Variants in KAZN observed in about 807,000 individuals in gnomAD.
KAZN encodes the protein kazrin.
In KAZN, 40 loss-of-function variants were observed where a neutral mutation model predicts 87.4. That is an observed-to-expected ratio of 0.46 (90% confidence interval 0.36 to 0.60). The LOEUF (loss-of-function observed/expected upper bound fraction) is 0.60. Ranked by LOEUF, KAZN falls within the 20% of genes least tolerant of loss-of-function variation. The pLI is 0.00. For synonymous variants in KAZN, 466 were observed against 458.3 expected (o/e 1.02, Z -0.22); for missense variants, 898 against 1,073.9 (o/e 0.84, Z 2.29).
At chr1:14,930,980 T>C (rs1439006069) in intron 1 of KAZN, among the ~76,000 whole-genome samples, 1 of 151,856 alleles carries the variant, frequency 6.6e-6, no homozygotes, top group Non-Finnish European at 1.5e-5. Flanking sequence ...GCCACAACCA[T>C]TTGGAAATCT....
In KAZN at chr1:14,158,751, T is replaced by G. The variant is rs2101819714; in HGVS notation, c.92-21684T>G. 2.0e-5 allele frequency among the ~76,000 whole-genome samples: 3 copies of G among 152,306 alleles called. 1 individual carries two copies. The South Asian group carries it at 6.2e-4, about 32-fold the overall frequency. ...TGGGCTTGTTTTTACCCGTCCTTCT[T>G]GGGAAGGCTTTCCAGATACTCCAAA... On this transcript the variant is annotated intron_variant, in intron 1 of 16. Coordinates refer to the KAZN transcript ENST00000636203.
At chr1:14,792,417 C>A (rs999919130) in intron 1 of KAZN, among the ~76,000 whole-genome samples, 2 of 152,140 alleles carry the variant, frequency 1.3e-5, no homozygotes, top group African/African-American at 4.8e-5. Context: ...GAAGTACTTA[C>A]CAAACGTGGT....
chr1:14,743,417 G>A (rs1238670691), intron 1 of KAZN, among the ~76,000 whole-genome samples: 3 of 144,204 alleles, frequency 2.1e-5, no homozygotes, highest in South Asian at 2.2e-4. Flanking sequence ...GGGACTGAGC[G>A]AGACTCTGTC....
chr1:14,075,953 G>T lies in KAZN; in HGVS notation c.92-104482G>T, dbSNP rs373944955. On this transcript the variant is annotated intron_variant, in intron 1 of 16. Coordinates refer to the KAZN transcript ENST00000636203. Reference sequence around the variant, plus strand: ...AAGAGGGCTCTTGCAGATGTAAACAGTTAAGATGAGGTCATTAGGGTGGGA... The same window carrying T: ...AAGAGGGCTCTTGCAGATGTAAACATTTAAGATGAGGTCATTAGGGTGGGA... Among the ~76,000 whole-genome samples, 7 of 152,240 alleles carry T rather than the reference G, an allele frequency of 4.6e-5. No homozygotes were observed. The East Asian group carries it at 5.8e-4, about 13-fold the overall frequency.
intron 1 of KAZN, among the ~76,000 whole-genome samples, chr1:14,766,961 T>C (rs2100574012): frequency 6.6e-6 from 1 of 152,142 alleles, no homozygotes; most frequent in African/African-American, 2.4e-5. Flanking sequence ...AAATAAGGGC[T>C]GGAGGGACCA....
At chr1:14,501,955 A>C (rs553668442) in intron 2 of KAZN, among the ~76,000 whole-genome samples, 1 of 152,322 alleles carries the variant, frequency 6.6e-6, no homozygotes, top group Non-Finnish European at 1.5e-5. Flanking sequence ...CCTGGGACCA[A>C]GGGAGGGGAG....
At chr1:14,834,901 T>C (rs183103149) in intron 1 of KAZN, among the ~76,000 whole-genome samples, 2 of 152,302 alleles carry the variant, frequency 1.3e-5, no homozygotes, top group East Asian at 3.9e-4. Flanking sequence ...TTTAAAGTGC[T>C]GGTTTGGGGC....
intron 1 of KAZN, among the ~76,000 whole-genome samples, chr1:14,934,323 C>T (rs1006771522): frequency 4.0e-5 from 6 of 151,838 alleles, no homozygotes; most frequent in Non-Finnish European, 7.4e-5. Context: ...TTCTCTGCTT[C>T]AGCCTCCCGA....
intron 2 of KAZN, among the ~76,000 whole-genome samples, chr1:14,525,454 C>A (rs976012381): frequency 1.3e-5 from 2 of 152,200 alleles, no homozygotes; most frequent in African/African-American, 4.8e-5. Context: ...AACACATAAA[C>A]AAATGAGCAT....
chr1:14,965,009 G>A (rs897902677), intron 2 of KAZN, among the ~76,000 whole-genome samples: 13 of 151,626 alleles, frequency 8.6e-5, no homozygotes, highest in African/African-American at 2.4e-4. Context: ...CTGAATGATT[G>A]TTTAAGACAT....
chr1:14,195,509 GCT>G (rs1432652172), intron 2 of KAZN, among the ~76,000 whole-genome samples: 2 of 38,230 alleles, frequency 5.2e-5, no homozygotes, highest in Non-Finnish European at 1.1e-4. Flanking sequence ...TACAAAAACG[GCT>G]CACACACACA....
intron 1 of KAZN, among the ~76,000 whole-genome samples, chr1:14,058,213 C>G (rs2101501176): frequency 6.6e-6 from 1 of 152,246 alleles, no homozygotes; most frequent in East Asian, 1.9e-4. Flanking sequence ...TCCCATGGCT[C>G]TAGGGACTCC....
intron 1 of KAZN, among the ~76,000 whole-genome samples, chr1:14,807,840 C>G (rs886935037): frequency 6.6e-6 from 1 of 152,082 alleles, no homozygotes; most frequent in Non-Finnish European, 1.5e-5. Flanking sequence ...CAAATTAGAC[C>G]TATTTCCCCA....
chr1:14,849,221 G>T (rs915692817), intron 1 of KAZN, among the ~76,000 whole-genome samples: 2 of 152,164 alleles, frequency 1.3e-5, no homozygotes, highest in African/African-American at 2.4e-5. Context: ...GTCATGAAGT[G>T]CTGACTGATT....
intron 1 of KAZN, among the ~76,000 whole-genome samples, chr1:14,831,779 C>T (rs958924626): frequency 6.6e-6 from 1 of 152,114 alleles, no homozygotes; most frequent in Non-Finnish European, 1.5e-5. Flanking sequence ...GTGGGCCCTG[C>T]TTGTCCTTCA....
chr1:14,045,665 C>T (rs184972390), intron 1 of KAZN, among the ~76,000 whole-genome samples: 526 of 152,226 alleles, frequency 3.5e-3, no homozygotes, highest in African/African-American at 0.012. Context: ...AAGTTAGAGA[C>T]TTTGTTACTT....
intron 2 of KAZN, among the ~76,000 whole-genome samples, chr1:14,310,624 C>G (rs1655219693): frequency 6.6e-6 from 1 of 152,188 alleles, no homozygotes; most frequent in Admixed American, 6.5e-5. Flanking sequence ...TTGCAATCTC[C>G]AACTTCTGCA....
intron 1 of KAZN, among the ~76,000 whole-genome samples, chr1:14,648,658 T>C (rs550915430): frequency 6.6e-6 from 1 of 152,148 alleles, no homozygotes; most frequent in African/African-American, 2.4e-5. Flanking sequence ...AACTTCCAAG[T>C]TGACCATTAG....
intron 1 of KAZN, among the ~76,000 whole-genome samples, chr1:14,118,504 A>T (rs1350190399): frequency 1.3e-5 from 2 of 152,236 alleles, no homozygotes; most frequent in Non-Finnish European, 2.9e-5. Context: ...TTTGAAGTGT[A>T]TAAAATTTAC....
Sources: gnomAD v4.1 joint callset for allele counts (sites outside exome capture counted in the v4.1 genomes callset) on GRCh38, gnomAD v4.1.1 for gene constraint, MANE v1.5 for transcripts, NCBI Gene and HGNC (gene_info 2026-07-23, HGNC 2026-07-21) for gene names.